TNR: variants seen among roughly 807,000 people sequenced by gnomAD.
TNR encodes tenascin-R.
Under a neutral mutation model 150.4 loss-of-function variants are expected in TNR, and 45 were observed. That is an observed-to-expected ratio of 0.30 (90% CI 0.24 to 0.38). The LOEUF is 0.38. TNR is among the 10% of genes least tolerant of loss of function. The pLI is 1.00. For synonymous variants in TNR, 687 were observed against 678.4 expected (o/e 1.01, Z -0.20); for missense variants, 1,544 against 1,759.1 (o/e 0.88, Z 2.19).
At chr1:175,457,360 G>C (rs538854637) in intron 2 of TNR, among the ~76,000 whole-genome samples, 1 of 152,336 alleles carries the variant, frequency 6.6e-6, no homozygotes, top group East Asian at 1.9e-4. Context: ...GATATTGGTG[G>C]CATCCCAGGC....
At chr1:175,336,944 A>G (rs1297319376) in intron 19 of TNR, among the ~76,000 whole-genome samples, 1 of 152,152 alleles carries the variant, frequency 6.6e-6, no homozygotes, top group African/African-American at 2.4e-5. Flanking sequence ...CCAGGCTACA[A>G]TGCAGTGGCA....
At chr1:175,460,493 T>C (rs1017336133) in intron 2 of TNR, among the ~76,000 whole-genome samples, 1 of 152,146 alleles carries the variant, frequency 6.6e-6, no homozygotes, top group African/African-American at 2.4e-5. Flanking sequence ...AACACCGGAC[T>C]CATGCTGAAA....
chr1:175,574,755 C>T (rs1181160917), intron 1 of TNR, among the ~76,000 whole-genome samples: 1 of 152,200 alleles, frequency 6.6e-6, no homozygotes, highest in Non-Finnish European at 1.5e-5. Flanking sequence ...GTAAGGACTG[C>T]AAAGCAGTGA....
At chr1:175,531,093 G>C (rs556255189) in intron 1 of TNR, among the ~76,000 whole-genome samples, 1 of 152,288 alleles carries the variant, frequency 6.6e-6, no homozygotes, top group Admixed American at 6.5e-5. Context: ...TGGGGTTTCT[G>C]TATTCCAGTC....
intron 4 of TNR, among the ~76,000 whole-genome samples, chr1:175,399,397 A>G (rs76172453): frequency 6.6e-6 from 1 of 151,974 alleles, no homozygotes; most frequent in African/African-American, 2.4e-5. Flanking sequence ...ATTTTAAAGC[A>G]AAAAAAAGAG....
Position 175,486,423 on chromosome 1 carries a change from G to C in TNR, c.-64+41846C>G, listed in dbSNP as rs1415000719. 2.0e-5 allele frequency among the ~76,000 whole-genome samples: 3 copies of C among 152,122 alleles called. No homozygotes were observed. In the East Asian group the frequency reaches 5.8e-4, roughly 29 times the overall value. Reference sequence around the variant, plus strand: ...AGTTTGCTGAGAATGATGGTTTCCAGCTTCATCCATGTCCCTGTAAAGGAC... The same window carrying C: ...AGTTTGCTGAGAATGATGGTTTCCACCTTCATCCATGTCCCTGTAAAGGAC... On this transcript the variant is annotated intron_variant, in intron 2 of 22. Coordinates refer to ENST00000367674, the MANE Select transcript of TNR (RefSeq NM_003285.3).
At chr1:175,545,226 G>C (rs774954371) in intron 1 of TNR, among the ~76,000 whole-genome samples, 10 of 152,212 alleles carry the variant, frequency 6.6e-5, no homozygotes, top group Non-Finnish European at 1.0e-4. Context: ...GGTCAAAAGT[G>C]ACAGAGAGGT....
At chr1:175,507,973 T>C (rs1350743133) in intron 2 of TNR, among the ~76,000 whole-genome samples, 4 of 152,238 alleles carry the variant, frequency 2.6e-5, no homozygotes, top group African/African-American at 7.2e-5. Flanking sequence ...TAACCAACTA[T>C]GGTCTTGTCC....
rs1045407750 is a variant in TNR, at chr1:175,414,228, T to A, written c.-63-7451A>T. ...AGCCACCCAGTTTACGGTATTTTCTTTTAGCAGCCCAAGTGGACTAAGACA... is the reference window on the plus strand; with the variant it reads ...AGCCACCCAGTTTACGGTATTTTCTATTAGCAGCCCAAGTGGACTAAGACA... On this transcript the variant is annotated intron_variant, in intron 2 of 22. Coordinates refer to ENST00000367674, the MANE Select transcript of TNR (RefSeq NM_003285.3). Among the ~76,000 whole-genome samples the A allele has an allele frequency of 2.0e-5, 3 of 151,966 alleles. No homozygotes were observed. In the South Asian group the frequency reaches 6.2e-4, roughly 32 times the overall value.
At chr1:175,400,085 C>T (rs997110146) in intron 4 of TNR, among the ~76,000 whole-genome samples, 3 of 152,152 alleles carry the variant, frequency 2.0e-5, no homozygotes, top group African/African-American at 4.8e-5. Flanking sequence ...TGGCCAGCTC[C>T]CTGGCCAGCC....
intron 1 of TNR, among the ~76,000 whole-genome samples, chr1:175,538,180 T>C (rs1199299596): frequency 6.6e-6 from 1 of 152,068 alleles, no homozygotes; most frequent in African/African-American, 2.4e-5. Flanking sequence ...GTGTTCACAG[T>C]TGCTCTGTGC....
intron 16 of TNR, 54 bp downstream of exon 16, chr1:175,356,265 T>C: frequency 6.2e-7 from 1 of 1,606,160 alleles, no homozygotes; most frequent in Non-Finnish European, 8.5e-7. Flanking sequence ...AGAAAGCTGA[T>C]CATTTCCACA....
At chr1:175,580,246 G>C (rs1461596015) in intron 1 of TNR, among the ~76,000 whole-genome samples, 2 of 152,216 alleles carry the variant, frequency 1.3e-5, no homozygotes, top group Non-Finnish European at 2.9e-5. Context: ...TCCCCAAAGA[G>C]AGCAGGGGCA....
chr1:175,511,901 TATTAC>T (rs1659193106), intron 2 of TNR, among the ~76,000 whole-genome samples: 1 of 152,218 alleles, frequency 6.6e-6, no homozygotes, highest in African/African-American at 2.4e-5. Context: ...AGCATGATAT[TATTAC>T]ATTACTTTTT....
intron 2 of TNR, among the ~76,000 whole-genome samples, chr1:175,511,270 A>G (rs866964178): frequency 1.3e-5 from 2 of 152,304 alleles, no homozygotes; most frequent in South Asian, 2.1e-4. Flanking sequence ...CATGTCAAAT[A>G]TTTGCTTCAC....
At chr1:175,526,807 C>T (rs986894430) in intron 2 of TNR, among the ~76,000 whole-genome samples, 1 of 152,204 alleles carries the variant, frequency 6.6e-6, no homozygotes, top group South Asian at 2.1e-4. Context: ...GACCTGGCTG[C>T]CTACCTATTT....
At position 175,364,930 on chromosome 1, in the gene TNR, T is replaced by G. The variant is rs1651761892; in HGVS notation, c.2587+80A>C. Reference sequence around the variant, plus strand: ...AAATCCCCTACTCCTTGGGTCTTTCTCTTTTAAAATTTCATTGATTTGTCA... The same window carrying G: ...AAATCCCCTACTCCTTGGGTCTTTCGCTTTTAAAATTTCATTGATTTGTCA... On this transcript the variant is annotated intron_variant, in intron 12 of 22. Transcript: ENST00000367674. 47 of 1,500,262 alleles carry G rather than the reference T, an allele frequency of 3.1e-5. No individual in the cohort carries two copies. In the South Asian group the frequency reaches 5.5e-4, roughly 18 times the overall value. 92.9% of individuals were successfully genotyped at this position (1,500,262 alleles called of 1,614,324 possible).
chr1:175,738,127 C>T (rs935136690), intron 1 of TNR, among the ~76,000 whole-genome samples: 1 of 152,136 alleles, frequency 6.6e-6, no homozygotes, highest in Non-Finnish European at 1.5e-5. Flanking sequence ...TCCAAGAAGC[C>T]ACCTGCTTGA....
intron 1 of TNR, chr1:175,539,109 T>C (rs746614856): frequency 1.3e-5 from 2 of 152,376 alleles, no homozygotes; most frequent in East Asian, 1.9e-4. Flanking sequence ...TATGAAAATA[T>C]AGCCTTGAAA....
Sources: gnomAD v4.1 joint callset for allele counts (sites outside exome capture counted in the v4.1 genomes callset) on GRCh38, gnomAD v4.1.1 for gene constraint, MANE v1.5 for transcripts, NCBI Gene and HGNC (gene_info 2026-07-23, HGNC 2026-07-21) for gene names.